The following FBN3 variants were observed in gnomAD, a reference collection of about 807,000 sequenced individuals.
FBN3 encodes fibrillin-3.
A neutral mutation model predicts 330.1 loss-of-function variants in FBN3; 234 were observed. That is an observed-to-expected ratio of 0.71 (90% CI 0.64 to 0.79). The LOEUF (loss-of-function observed/expected upper bound fraction) is 0.79, where lower values mean the gene tolerates loss of function less well. FBN3 is among the 30% of genes least tolerant of loss of function. FBN3 has a pLI of 0.00. For synonymous variants in FBN3, 1,458 were observed against 1,517.3 expected (o/e 0.96, Z 0.91); for missense variants, 3,606 against 3,886.9 (o/e 0.93, Z 1.92).
intron 16 of FBN3, among the ~76,000 whole-genome samples, chr19:8,130,101 T>C (rs2083089130): frequency 6.6e-6 from 1 of 151,952 alleles, no homozygotes; most frequent in Non-Finnish European, 1.5e-5. Flanking sequence ...TTTCACCATG[T>C]TGGCCAGGCT....
rs368029953 is a variant in FBN3, at chr19:8,109,286, C to G, written c.4559G>C (p.Cys1520Ser). Residue 1520 changes from cysteine to serine, a missense_variant, in exon 36 of 64, where the codon TGT (cysteine) becomes TCT (serine). By Grantham distance (112) the Cys-to-Ser change is moderately radical. Transcript: ENST00000600128. This position sits in a 1 kb window ranked among gnomAD's most constrained non-coding sequence, Gnocchi z 5.2. ...GCCCCAAGCCCGGCCCAGGGAGCAA[C>G]AGCAGGAAGCTCGGGTGACACCAAC... ...IGVGVTRASC[C>S]CSLGRAWGNP... 1 of 1,614,082 alleles carries G rather than the reference C, an allele frequency of 6.2e-7. No homozygotes were observed. The highest frequency in any genetic ancestry group is 8.5e-7 in the Non-Finnish European group (1 of 1,180,042).
chr19:8,108,519 G>A (rs946536168), intron 36 of FBN3, among the ~76,000 whole-genome samples: 1 of 152,106 alleles, frequency 6.6e-6, no homozygotes, highest in South Asian at 2.1e-4. Flanking sequence ...GTAGTGGCTG[G>A]GGGTAGGAGG....
In FBN3 at chr19:8,100,853, AC is replaced by A. The variant is rs545483771; in HGVS notation, c.5161+47del. The A allele has an allele frequency of 1.6e-4, 239 of 1,505,812 alleles. 1 individual carries two copies. The African/African-American group carries it at 2.9e-3, about 18-fold the overall frequency. The allele number at this position is 1,505,812 out of a possible 1,614,324, so 93.3% of individuals were successfully genotyped here. A position where few individuals can be genotyped will look rare whatever the true frequency, so the allele number is the denominator to read the frequency against. On this transcript the variant is annotated intron_variant, in intron 41 of 63. Transcript: ENST00000600128. ...GGAGGGGAGGGGTGGGAGGAAGCAGACCCAGGTGGATGGGTGCCCAGGGATA... is the reference window on the plus strand; with the variant it reads ...GGAGGGGAGGGGTGGGAGGAAGCAGACCAGGTGGATGGGTGCCCAGGGATA...
At chr19:8,092,509 T>C (rs1254351951) in intron 47 of FBN3, among the ~76,000 whole-genome samples, 1 of 151,952 alleles carries the variant, frequency 6.6e-6, no homozygotes, top group Non-Finnish European at 1.5e-5. Flanking sequence ...GATCAGGAGC[T>C]GGAGACCAGC....
rs2144867052 is a variant in FBN3, at chr19:8,117,251, C to T, written c.3504G>A (p.Val1168=). The change falls in exon 28 of 64, where the codon GTG becomes GTA. Residue 1168 remains valine (V), a synonymous_variant. Coordinates refer to ENST00000600128, the MANE Select transcript of FBN3 (RefSeq NM_032447.5). ...ECRVQNGGCD[V]HCINTEGSYR... ...AGCTGCCCTCAGTGTTAATACAGTG[C>T]ACGTCACACCCACCATTCTGGACCC... 6.2e-7 allele frequency: 1 copy of T among 1,613,958 alleles called. No homozygotes were observed. The highest frequency in any genetic ancestry group is 1.1e-5 in the South Asian group (1 of 91,074).
intron 54 of FBN3, among the ~76,000 whole-genome samples, chr19:8,086,667 C>T (rs1406579362): frequency 1.3e-5 from 2 of 150,258 alleles, no homozygotes; most frequent in Non-Finnish European, 3.0e-5. Context: ...GGGGTTTCGC[C>T]GTGTTGTCCA....
At position 8,141,945 on chromosome 19, in the gene FBN3, C is replaced by G; in HGVS notation, c.734G>C (p.Cys245Ser). The G allele has an allele frequency of 1.2e-6, 2 of 1,614,198 alleles. No individual in the cohort carries two copies. Among genetic ancestry groups the G allele is most frequent in the Non-Finnish European group, 1.7e-6 (2 of 1,180,014 alleles). Residue 245 changes from cysteine to serine, a missense_variant, in exon 7 of 64, where the codon TGC becomes TCC. By Grantham distance (112) the Cys-to-Ser change is moderately radical. Transcript: ENST00000600128. ...GCCCTGACCCCACTATTCACCTTGGCAGGCCCCCGTGTGGATATTGGGGAT... is the reference window on the plus strand; with the variant it reads ...GCCCTGACCCCACTATTCACCTTGGGAGGCCCCCGTGTGGATATTGGGGAT... ...GFIPNIHTGACQDVDECQAVP... is the reference protein window; with the variant it reads ...GFIPNIHTGASQDVDECQAVP...
intron 55 of FBN3, among the ~76,000 whole-genome samples, chr19:8,085,991 G>A (rs889394927): frequency 6.8e-6 from 1 of 146,376 alleles, no homozygotes; most frequent in Non-Finnish European, 1.5e-5. Context: ...GGCAGTGGGA[G>A]GGACAGGCAG....
At chr19:8,120,319 G>A (rs1285379657) in intron 25 of FBN3, among the ~76,000 whole-genome samples, 1 of 151,352 alleles carries the variant, frequency 6.6e-6, no homozygotes. Flanking sequence ...ACAGGTGCAC[G>A]CCACCACACC....
rs1203545344 is a variant in FBN3 at position 8,089,752 on chromosome 19, G to A, written c.6251-82C>T. The A allele has an allele frequency of 1.9e-6, 3 of 1,579,918 alleles. No individual in the cohort carries two copies. In the Admixed American group the frequency reaches 5.3e-5, roughly 28 times the overall value. On this transcript the variant is annotated intron_variant, in intron 50 of 63. Transcript: ENST00000600128. The stretch of plus-strand genomic sequence containing the variant: ...CTGGCCACACTCAAGGCCCCAAGGG[G>A]ACAAAAGCCCAAGCCCCAGGCTGGC...
chr19:8,095,460 A>G lies in FBN3; in HGVS notation c.5700T>C (p.Phe1900=), dbSNP rs772557472. The G allele has an allele frequency of 2.4e-5, 38 of 1,613,674 alleles. No individual in the cohort carries two copies. The highest frequency in any genetic ancestry group is 4.4e-5 in the South Asian group (4 of 91,064). ...CTTLVGQVCR[F]GHCLNTAGSF... is the part of the protein sequence containing the mutation. Reference sequence around the variant, plus strand: ...AACCAGCTGTGTTGAGGCAATGGCCAAATCGGCACACCTGCCCCACCAGGG... The same window carrying G: ...AACCAGCTGTGTTGAGGCAATGGCCGAATCGGCACACCTGCCCCACCAGGG... The change falls in exon 46 of 64, where the codon TTT becomes TTC. Residue 1900 remains phenylalanine (F), a synonymous_variant. Transcript: ENST00000600128.
At chr19:8,081,244 T>G in intron 58 of FBN3, 114 bp downstream of exon 58, 1 of 1,486,608 alleles carries the variant, frequency 6.7e-7, no homozygotes, top group Non-Finnish European at 9.2e-7. Flanking sequence ...AGATGGTGCT[T>G]GACTCCATGC....
At chr19:8,088,528 C>G (rs1370696719) in intron 51 of FBN3, among the ~76,000 whole-genome samples, 1 of 152,082 alleles carries the variant, frequency 6.6e-6, no homozygotes, top group Admixed American at 6.6e-5. Flanking sequence ...CATAGCAAGA[C>G]TTCATCTCTA....
At chr19:8,135,282 AT>A (rs1052915528) in intron 13 of FBN3, among the ~76,000 whole-genome samples, 67 of 145,336 alleles carry the variant, frequency 4.6e-4, no homozygotes, top group East Asian at 1.0e-3. Context: ...ATAAAAAAAA[AT>A]TTTTTTTTTT....
At chr19:8,095,567 T>C (rs1599326748) in intron 45 of FBN3, 64 bp from the exon 46 acceptor site, 2 of 1,567,482 alleles carry the variant, frequency 1.3e-6, no homozygotes, top group African/African-American at 1.3e-5. Flanking sequence ...ACCTTCCTTG[T>C]ACTTCTGTCC....
intron 26 of FBN3, among the ~76,000 whole-genome samples, chr19:8,118,084 G>GAC (rs2082751202): frequency 3.3e-5 from 5 of 151,216 alleles, no homozygotes; most frequent in Admixed American, 1.3e-4. Context: ...CACTCACACA[G>GAC]ACACACACAT....
rs749013131 is a variant in FBN3, at chr19:8,075,171, C to A, written c.7602G>T (p.Gly2534=). The change falls in exon 61 of 64, where the codon GGG becomes GGT. Residue 2534 remains glycine, a synonymous_variant. Transcript: ENST00000600128. The part of the protein sequence containing the change: ...HGCEDVNECD[G]PHRCQHGCQN... ...GACAGCCATGCTGGCAGCGGTGGGGCCCATCACATTCATTCACATCTGAGA... is the reference window on the plus strand; with the variant it reads ...GACAGCCATGCTGGCAGCGGTGGGGACCATCACATTCATTCACATCTGAGA... The A allele has an allele frequency of 1.8e-5, 29 of 1,568,736 alleles. No individual in the cohort carries two copies. Among genetic ancestry groups the A allele is most frequent in the Non-Finnish European group, 1.7e-5 (20 of 1,155,334 alleles).
chr19:8,089,485 C>T, intron 51 of FBN3, 60 bp downstream of exon 51: 1 of 1,604,506 alleles, frequency 6.2e-7, no homozygotes, highest in Non-Finnish European at 8.5e-7. Flanking sequence ...CTGCCCTGCT[C>T]TGCTCCTTCC....
intron 20 of FBN3, 42 bp from the exon 21 acceptor site, chr19:8,126,389 T>A (rs1304342330): frequency 3.2e-6 from 5 of 1,584,102 alleles, no homozygotes. Context: ...AGTCATTTTC[T>A]CATGCCAGCC....
Sources: gnomAD v4.1 joint callset for allele counts (sites outside exome capture counted in the v4.1 genomes callset) on GRCh38, gnomAD v4.1.1 for gene constraint, Gnocchi (gnomAD v3.1) non-coding constraint, MANE v1.5 for transcripts, NCBI Gene and HGNC (gene_info 2026-07-23, HGNC 2026-07-21) for gene names.